Variants in BTBD3 observed in about 807,000 individuals in gnomAD.
The protein encoded by BTBD3 is BTB/POZ domain-containing protein 3.
In BTBD3, 14 loss-of-function variants were observed where a neutral mutation model predicts 41.6. The ratio of observed to expected loss-of-function variants is 0.34; its 90% CI spans 0.22 to 0.53. BTBD3 has a LOEUF of 0.53. BTBD3 is among the 20% of genes least tolerant of loss of function. The probability of loss-of-function intolerance (pLI) is 0.95; values close to 1 mark genes in which losing one functional copy is unlikely to be tolerated. For missense variants in BTBD3, 426 were observed against 654.7 expected, an observed-to-expected ratio of 0.65 and a Z score of 3.81; for synonymous variants, 249 against 233.7, an observed-to-expected ratio of 1.07 and a Z score of -0.60.
chr20:11,926,011 A>G lies in BTBD3; in HGVS notation c.*2345A>G, dbSNP rs2057016471. 1 of 152,182 alleles carries G rather than the reference A, an allele frequency of 6.6e-6. No homozygotes were observed. Among genetic ancestry groups the G allele is most frequent in the East Asian group, 1.9e-4 (1 of 5,200 alleles). The allele number at this position is 152,182 out of a possible 1,614,324, so 9.4% of individuals were successfully genotyped here. On this transcript the variant is annotated 3_prime_UTR_variant, in exon 4 of 4. Transcript: ENST00000378226. The stretch of plus-strand genomic sequence containing the variant: ...TTTGAAAATTGTATTTAGAATAAGA[A>G]ATTTTACATTTTAAACCCTATTGTC...
chr20:11,907,347 C>T (rs1486641451), intron 1 of BTBD3, among the ~76,000 whole-genome samples: 2 of 152,212 alleles, frequency 1.3e-5, no homozygotes, highest in Non-Finnish European at 2.9e-5. Flanking sequence ...CTTTTCCACT[C>T]TACCTAGTCT....
At chr20:11,894,658 A>G (rs916989594) in intron 1 of BTBD3, among the ~76,000 whole-genome samples, 1 of 151,132 alleles carries the variant, frequency 6.6e-6, no homozygotes, top group Non-Finnish European at 1.5e-5. Flanking sequence ...TTTCTTCTCC[A>G]CAGGCCATTA....
At chr20:11,893,748 A>G (rs766877585) in intron 1 of BTBD3, among the ~76,000 whole-genome samples, 11 of 152,242 alleles carry the variant, frequency 7.2e-5, no homozygotes, top group African/African-American at 1.9e-4. Context: ...TTAAGAAAGT[A>G]AAAATCACCG....
At chr20:11,921,123 T>G (rs2056966866) in intron 3 of BTBD3, among the ~76,000 whole-genome samples, 1 of 152,250 alleles carries the variant, frequency 6.6e-6, no homozygotes, top group Non-Finnish European at 1.5e-5. Context: ...TTATAGTGTT[T>G]TCTGTTGCTG....
In BTBD3 at chr20:11,924,813, C is replaced by T. The variant is rs1028892039; in HGVS notation, c.*1147C>T. 7 of 152,598 alleles carry T rather than the reference C, an allele frequency of 4.6e-5. No homozygotes were observed. The highest frequency in any genetic ancestry group is 8.8e-5 in the Non-Finnish European group (6 of 68,030). 9.5% of individuals were successfully genotyped at this position (152,598 alleles called of 1,614,324 possible). On this transcript the variant is annotated 3_prime_UTR_variant, in exon 4 of 4. Transcript: ENST00000378226. ...TTCCTAGACTGCTAGAATCTGGCCC[C>T]TGGCCATCTTAAAGTGCCAACATAT...
intron 1 of BTBD3, among the ~76,000 whole-genome samples, chr20:11,900,726 G>A (rs901171523): frequency 1.5e-5 from 1 of 65,812 alleles, no homozygotes; most frequent in African/African-American, 5.9e-5. Flanking sequence ...TTTTTTTTTT[G>A]AGACAGAGTG....
In BTBD3 at chr20:11,918,424, A is replaced by T. The variant is rs2056936004; in HGVS notation, c.149A>T (p.Tyr50Phe). The T allele has an allele frequency of 6.2e-7, 1 of 1,614,066 alleles. No individual in the cohort carries two copies. Among genetic ancestry groups the T allele is most frequent in the Non-Finnish European group, 8.5e-7 (1 of 1,180,034 alleles). Residue 50 changes from tyrosine (Y) to phenylalanine (F), a missense_variant, in exon 1 of 4, where the codon TAT becomes TTT. Coordinates refer to ENST00000378226, the MANE Select transcript of BTBD3 (RefSeq NM_014962.4). The part of the protein sequence containing the change: ...SNSSKLPPVC[Y>F]EIITLKTKKK... ...AGCAGCAAGTTGCCACCAGTTTGTTATGAAATAATTACCTTGAAGACTAAA... is the reference window on the plus strand; with the variant it reads ...AGCAGCAAGTTGCCACCAGTTTGTTTTGAAATAATTACCTTGAAGACTAAA...
intron 3 of BTBD3, among the ~76,000 whole-genome samples, chr20:11,921,159 AT>A (rs1279469408): frequency 6.6e-6 from 1 of 152,208 alleles, no homozygotes. Context: ...CTAGTTCAGC[AT>A]TTTGTCTTCA....
chr20:11,909,666 A>C (rs1046400493), intron 1 of BTBD3: 1 of 152,172 alleles, frequency 6.6e-6, no homozygotes, highest in Non-Finnish European at 1.5e-5. Context: ...AAAACAAAGG[A>C]TAGCATTTCA....
At chr20:11,905,971 C>T (rs1404903325) in intron 1 of BTBD3, among the ~76,000 whole-genome samples, 1 of 152,146 alleles carries the variant, frequency 6.6e-6, no homozygotes. Context: ...GAACAACAGG[C>T]ACACATGGAA....
chr20:11,903,480 T>C (rs980400863), intron 1 of BTBD3, among the ~76,000 whole-genome samples: 7 of 152,208 alleles, frequency 4.6e-5, no homozygotes, highest in African/African-American at 7.2e-5. Context: ...TTTTTCTTAA[T>C]GTCTTCAAAG....
intron 1 of BTBD3, among the ~76,000 whole-genome samples, chr20:11,906,253 C>CTTTT (rs1568610658): frequency 2.9e-4 from 11 of 37,344 alleles, no homozygotes; most frequent in Admixed American, 3.3e-4. Context: ...TATTATTACT[C>CTTTT]CTTTTTTTTT....
At chr20:11,892,667 A>G (rs1555794622) in intron 1 of BTBD3, 2 of 152,126 alleles carry the variant, frequency 1.3e-5, no homozygotes, top group Admixed American at 6.6e-5. Flanking sequence ...TTCTTTCCCA[A>G]TCCTTGCACT....
At chr20:11,906,287 C>CTTTTTTGTT (rs2056854379) in intron 1 of BTBD3, among the ~76,000 whole-genome samples, 2 of 58,478 alleles carry the variant, frequency 3.4e-5, no homozygotes, top group Non-Finnish European at 5.6e-5. Context: ...TTTTTTGAGA[C>CTTTTTTGTT]GGAGTCTCGT....
intron 1 of BTBD3, among the ~76,000 whole-genome samples, chr20:11,893,866 T>C (rs2056770967): frequency 6.6e-6 from 1 of 152,248 alleles, no homozygotes; most frequent in African/African-American, 2.4e-5. Context: ...TAATTTTATC[T>C]GTAGTTTTAA....
intron 1 of BTBD3, among the ~76,000 whole-genome samples, chr20:11,903,096 T>C (rs113748320): frequency 2.0e-5 from 3 of 152,326 alleles, no homozygotes; most frequent in African/African-American, 7.2e-5. Flanking sequence ...GTATTTCTTT[T>C]GGACTTTTAC....
At chr20:11,896,857 A>C (rs2056790083) in intron 1 of BTBD3, among the ~76,000 whole-genome samples, 1 of 152,236 alleles carries the variant, frequency 6.6e-6, no homozygotes, top group Non-Finnish European at 1.5e-5. Flanking sequence ...AGTATAACAT[A>C]TTCAATGCAT....
chr20:11,902,482 G>A (rs2036234807), intron 1 of BTBD3, among the ~76,000 whole-genome samples: 1 of 152,040 alleles, frequency 6.6e-6, no homozygotes, highest in Non-Finnish European at 1.5e-5. Context: ...GTTATTCGTG[G>A]TTTACTGTAT....
At chr20:11,891,042 C>T in intron 1 of BTBD3, 14 of 915,142 alleles carry the variant, frequency 1.5e-5, no homozygotes, top group Non-Finnish European at 1.7e-5. Context: ...CGCCCTGCGG[C>T]CGGCCGGAGG....
Sources: allele counts gnomAD v4.1 joint callset (sites outside exome capture counted in the v4.1 genomes callset), GRCh38; gene constraint gnomAD v4.1.1; transcripts MANE v1.5; gene names NCBI Gene and HGNC (gene_info 2026-07-23, HGNC 2026-07-21).